The following IL12RB2 variants were observed in gnomAD, a reference collection of about 807,000 sequenced individuals.
The protein encoded by IL12RB2 is interleukin-12 receptor subunit beta-2.
IL12RB2 carries 82 observed loss-of-function variants against 89.4 expected under a neutral mutation model. The observed-to-expected ratio is 0.92, with a 90% CI of 0.77 to 1.10. IL12RB2 has a LOEUF of 1.10. IL12RB2 is among the 50% of genes least tolerant of loss of function. The probability of loss-of-function intolerance (pLI) is 0.00; values close to 1 mark genes in which losing one functional copy is unlikely to be tolerated. For synonymous variants in IL12RB2, 368 were observed against 370.1 expected, an observed-to-expected ratio of 0.99 and a Z score of 0.07; for missense variants, 963 against 1,031.9, an observed-to-expected ratio of 0.93 and a Z score of 0.92.
intron 6 of IL12RB2, among the ~76,000 whole-genome samples, chr1:67,329,040 T>A (rs1657701050): frequency 6.6e-6 from 1 of 152,232 alleles, no homozygotes; most frequent in South Asian, 2.1e-4. Context: ...CTTCTCTGCA[T>A]ACATATTGCT....
intron 9 of IL12RB2, among the ~76,000 whole-genome samples, chr1:67,342,398 T>C (rs775645244): frequency 6.6e-6 from 1 of 152,186 alleles, no homozygotes; most frequent in Admixed American, 6.5e-5. Flanking sequence ...AAATGTGAGA[T>C]GACCTTTCAC....
intron 9 of IL12RB2, among the ~76,000 whole-genome samples, chr1:67,346,262 TTAAG>T (rs552478116): frequency 7.2e-5 from 11 of 152,158 alleles, no homozygotes; most frequent in Non-Finnish European, 1.5e-4. Context: ...GTGAAAAGTG[TTAAG>T]TTATTGTTAT....
rs564148255 is a variant in IL12RB2 at position 67,321,957 on chromosome 1, G to C, written c.364+68G>C. On this transcript the variant is annotated intron_variant, in intron 4 of 16. Transcript: ENST00000674203. ...GGTATTTTTGATCTTTTGGTATTTG[G>C]TGTTAAACAGAAACCCAAATACAGG... 11 of 1,385,582 alleles carry C rather than the reference G, an allele frequency of 7.9e-6. No individual in the cohort carries two copies. In the South Asian group the frequency reaches 1.3e-4, roughly 16 times the overall value. 85.8% of individuals were successfully genotyped at this position (1,385,582 alleles called of 1,614,324 possible). A position where few individuals can be genotyped will look rare whatever the true frequency, so the allele number is the denominator to read the frequency against.
intron 1 of IL12RB2, among the ~76,000 whole-genome samples, chr1:67,311,200 G>T (rs1655009920): frequency 6.6e-6 from 1 of 152,198 alleles, no homozygotes; most frequent in African/African-American, 2.4e-5. Context: ...TGGGAGCTTG[G>T]ACTGAGGTGA....
At chr1:67,390,673 G>A (rs567641057) in intron 16 of IL12RB2, among the ~76,000 whole-genome samples, 2 of 152,182 alleles carry the variant, frequency 1.3e-5, no homozygotes, top group African/African-American at 4.8e-5. Context: ...GATGAGAGAG[G>A]GGAGAGTAAA....
intron 10 of IL12RB2, among the ~76,000 whole-genome samples, chr1:67,358,005 T>A (rs919660540): frequency 2.0e-5 from 3 of 151,842 alleles, no homozygotes; most frequent in African/African-American, 7.3e-5. Flanking sequence ...AAGAAAAACA[T>A]AAGATTTCAA....
At chr1:67,341,564 A>G (rs1051211539) in intron 9 of IL12RB2, among the ~76,000 whole-genome samples, 162 of 58,780 alleles carry the variant, frequency 2.8e-3, no homozygotes, top group Non-Finnish European at 5.1e-3. Flanking sequence ...AGAAAGAAAG[A>G]AAGAAAGAAA....
chr1:67,317,712 G>A (rs924690912), intron 2 of IL12RB2, among the ~76,000 whole-genome samples: 10 of 152,192 alleles, frequency 6.6e-5, no homozygotes, highest in African/African-American at 2.4e-4. Flanking sequence ...GATGTTTATA[G>A]GGAGTTTTCT....
intron 8 of IL12RB2, among the ~76,000 whole-genome samples, chr1:67,336,277 G>A (rs7535550): frequency 0.48 from 72,900 of 152,004 alleles, 20,118 homozygotes; most frequent in Non-Finnish European, 0.6. Flanking sequence ...CAGCCTCCTT[G>A]TCCTCAGCTG....
At chr1:67,319,639 G>A (rs975799542) in intron 2 of IL12RB2, among the ~76,000 whole-genome samples, 8 of 152,184 alleles carry the variant, frequency 5.3e-5, no homozygotes, top group African/African-American at 1.9e-4. Context: ...AAAGAAAAGT[G>A]TTGTGTGGGA....
rs528624378 is a variant in IL12RB2, at chr1:67,365,413, GAGAA to G, written c.1259-2408_1259-2405del. On this transcript the variant is annotated intron_variant, in intron 10 of 16. Coordinates refer to ENST00000674203, the MANE Select transcript of IL12RB2 (RefSeq NM_001374259.2). ...CTAGCCAGGTTAACTAAAAAAAAGA[GAGAA>G]AGAGGATGAAAATTACCAATATCAT... Among the ~76,000 whole-genome samples the G allele has an allele frequency of 1.6e-3, 249 of 152,154 alleles. 1 individual carries two copies. Among genetic ancestry groups the G allele is most frequent in the African/African-American group, 5.6e-3 (232 of 41,504 alleles).
intron 10 of IL12RB2, among the ~76,000 whole-genome samples, chr1:67,355,161 C>T (rs1223195359): frequency 6.6e-6 from 1 of 152,106 alleles, no homozygotes; most frequent in African/African-American, 2.4e-5. Context: ...CGCCTGTAAT[C>T]CCAGGACTTT....
At chr1:67,383,264 A>T (rs1664795673) in intron 14 of IL12RB2, among the ~76,000 whole-genome samples, 1 of 152,194 alleles carries the variant, frequency 6.6e-6, no homozygotes. Flanking sequence ...CAGCATGAAG[A>T]TAACTGCCCC....
At chr1:67,337,170 C>T (rs55963865) in intron 8 of IL12RB2, among the ~76,000 whole-genome samples, 107 of 152,274 alleles carry the variant, frequency 7.0e-4, no homozygotes, top group Non-Finnish European at 1.4e-3. Flanking sequence ...CTTTCTTTCT[C>T]TTTTGCTCTT....
At chr1:67,359,263 G>A (rs1661720860) in intron 10 of IL12RB2, among the ~76,000 whole-genome samples, 1 of 152,172 alleles carries the variant, frequency 6.6e-6, no homozygotes. Flanking sequence ...AGTTGCTATG[G>A]AAAATATAAA....
chr1:67,359,113 C>T (rs2100907514), intron 10 of IL12RB2, among the ~76,000 whole-genome samples: 1 of 152,076 alleles, frequency 6.6e-6, no homozygotes, highest in South Asian at 2.1e-4. Flanking sequence ...TGAACTCCAG[C>T]CTAGGTGACA....
At chr1:67,349,830 T>G (rs1660630694) in intron 9 of IL12RB2, among the ~76,000 whole-genome samples, 1 of 152,226 alleles carries the variant, frequency 6.6e-6, no homozygotes, top group South Asian at 2.1e-4. Context: ...GCTAATTGTT[T>G]CAGAAGCCAA....
chr1:67,317,865 G>T (rs1316780966), intron 2 of IL12RB2, among the ~76,000 whole-genome samples: 1 of 152,134 alleles, frequency 6.6e-6, no homozygotes, highest in Non-Finnish European at 1.5e-5. Flanking sequence ...TTATATTCTA[G>T]TATAGAAGAC....
At position 67,310,125 on chromosome 1, in the gene IL12RB2, A is replaced by T. The variant is rs188155183; in HGVS notation, c.-125+2158A>T. ...ATTGAACCCGGGAGGCAGAGGTTGC[A>T]GTGAGCAGAGATCACGCCACTGCAC... is the stretch of plus-strand genomic sequence containing the variant. On this transcript the variant is annotated intron_variant, in intron 1 of 16. Transcript: ENST00000674203. Among the ~76,000 whole-genome samples the T allele has an allele frequency of 2.1e-5, 3 of 145,574 alleles. No individual in the cohort carries two copies. The Admixed American group carries it at 2.1e-4, about 10-fold the overall frequency.
Sources: gnomAD v4.1 joint callset for allele counts (sites outside exome capture counted in the v4.1 genomes callset) on GRCh38, gnomAD v4.1.1 for gene constraint, MANE v1.5 for transcripts, NCBI Gene and HGNC (gene_info 2026-07-23, HGNC 2026-07-21) for gene names.